TMEM39B: variants seen among roughly 807,000 people sequenced by gnomAD.
TMEM39B encodes transmembrane protein 39B.
TMEM39B carries 23 observed loss-of-function variants against 52.2 expected under a neutral mutation model. That is an observed-to-expected ratio of 0.44 (90% confidence interval 0.32 to 0.62). TMEM39B has a LOEUF of 0.62. Ranked by LOEUF, TMEM39B falls within the 20% of genes least tolerant of loss-of-function variation. TMEM39B has a pLI of 0.06. For missense variants in TMEM39B, 547 were observed against 642.0 expected (o/e 0.85, Z 1.60); for synonymous variants, 285 against 264.0 (o/e 1.08, Z -0.77).
Position 32,091,964 on chromosome 1 carries a change from A to G in TMEM39B, c.880A>G (p.Met294Val). Residue 294 changes from methionine to valine, a missense_variant, in exon 6 of 9, where the codon ATG becomes GTG. Transcript: ENST00000336294. ...CATGAAGGAAGTGCTCGTCAGCTCC[A>G]TGCTGAGCGCCTACTATGTGGCCTT... ...WRMKEVLVSS[M>V]LSAYYVAFVP... The G allele has an allele frequency of 1.2e-6, 2 of 1,614,166 alleles. No homozygotes were observed. The highest frequency in any genetic ancestry group is 1.7e-6 in the Non-Finnish European group (2 of 1,180,032).
rs1189135450 is a variant in TMEM39B at position 32,091,736 on chromosome 1, A to C, written c.652A>C (p.Asn218His). Residue 218 changes from asparagine (N) to histidine (H), a missense_variant, in exon 6 of 9, where the codon AAC (asparagine) becomes CAC (histidine). Asn to His is a moderately conservative substitution (Grantham distance 68, BLOSUM62 1). Coordinates refer to ENST00000336294, the MANE Select transcript of TMEM39B (RefSeq NM_018056.4). ...CGACCTCCGCAAGACAAGCCTCTTC[A>C]ACCACATGGCCTCCATGGGGCCCCG... ...NCDLRKTSLF[N>H]HMASMGPREA... is the part of the protein sequence containing the mutation. 1.2e-6 allele frequency: 2 copies of C among 1,613,996 alleles called. No individual in the cohort carries two copies. The highest frequency in any genetic ancestry group is 2.7e-5 in the African/African-American group (2 of 74,924).
chr1:32,097,954 A>T (rs754856403), intron 7 of TMEM39B, among the ~76,000 whole-genome samples: 12 of 151,756 alleles, frequency 7.9e-5, no homozygotes, highest in Non-Finnish European at 1.6e-4. Flanking sequence ...TATTCAGCAT[A>T]TTGTTTGTGA....
At chr1:32,086,398 A>C (rs1330963539) in intron 5 of TMEM39B, among the ~76,000 whole-genome samples, 2 of 152,084 alleles carry the variant, frequency 1.3e-5, no homozygotes, top group African/African-American at 4.8e-5. Flanking sequence ...TGAGCACATG[A>C]AATAGGGTAG....
At chr1:32,093,898 A>G (rs1255009725) in intron 6 of TMEM39B, among the ~76,000 whole-genome samples, 6 of 151,542 alleles carry the variant, frequency 4.0e-5, no homozygotes. Context: ...GGCTCACTGC[A>G]AGCTCCGCCT....
At chr1:32,083,092 T>C (rs1640182045) in intron 5 of TMEM39B, among the ~76,000 whole-genome samples, 1 of 147,142 alleles carries the variant, frequency 6.8e-6, no homozygotes, top group Non-Finnish European at 1.5e-5. Context: ...TTTTTTTTTT[T>C]TTTTTTTTGA....
intron 5 of TMEM39B, among the ~76,000 whole-genome samples, chr1:32,081,994 A>G (rs916765560): frequency 2.0e-5 from 3 of 152,148 alleles, no homozygotes; most frequent in African/African-American, 7.2e-5. Context: ...ATTCCCTGCA[A>G]TGACAGATGA....
rs80227003 is a variant in TMEM39B at position 32,089,665 on chromosome 1, T to A, written c.591-2010T>A. Among the ~76,000 whole-genome samples, 4 of 150,364 alleles carry A rather than the reference T, an allele frequency of 2.7e-5. No individual in the cohort carries two copies. The South Asian group carries it at 6.4e-4, about 24-fold the overall frequency. ...TAAAAGGAGATTTTTTTTTTTTTTT[T>A]AAATGGAGTCTCACTCTGTTACCCA... On this transcript the variant is annotated intron_variant, in intron 5 of 8. Transcript: ENST00000336294.
At chr1:32,095,508 T>C (rs1278798257) in intron 7 of TMEM39B, among the ~76,000 whole-genome samples, 1 of 152,162 alleles carries the variant, frequency 6.6e-6, no homozygotes, top group Non-Finnish European at 1.5e-5. Flanking sequence ...TGCTGAACCC[T>C]GGCCAGGGAA....
rs188656332 is a variant in TMEM39B at position 32,083,664 on chromosome 1, C to T, written c.590+6346C>T. 2.5e-4 allele frequency among the ~76,000 whole-genome samples: 38 copies of T among 151,912 alleles called. No homozygotes were observed. In the South Asian group the frequency reaches 3.7e-3, roughly 15 times the overall value. Reference sequence around the variant, plus strand: ...GTCTCGATCTCCTGACCTCGTGATCCGTCCATCTCAGCTTCCCAAAGTGCT... The same window carrying T: ...GTCTCGATCTCCTGACCTCGTGATCTGTCCATCTCAGCTTCCCAAAGTGCT... On this transcript the variant is annotated intron_variant, in intron 5 of 8. Coordinates refer to ENST00000336294, the MANE Select transcript of TMEM39B (RefSeq NM_018056.4).
At chr1:32,072,644 C>A (rs182069787), upstream of TMEM39B, among the ~76,000 whole-genome samples, 336 of 152,314 alleles carry the variant, frequency 2.2e-3, 1 homozygote, top group Admixed American at 4.6e-3. Context: ...GCGGACCGGT[C>A]AGGGATATGG....
At chr1:32,090,405 C>T (rs1485403620) in intron 5 of TMEM39B, among the ~76,000 whole-genome samples, 1 of 152,078 alleles carries the variant, frequency 6.6e-6, no homozygotes, top group African/African-American at 2.4e-5. Flanking sequence ...AACTAAAGAG[C>T]TGTTCTCATA....
intron 3 of TMEM39B, chr1:32,076,101 T>C: frequency 4.7e-6 from 1 of 210,584 alleles, no homozygotes. Flanking sequence ...TTTTCTTTTC[T>C]TCTTTTTTTT....
intron 7 of TMEM39B, among the ~76,000 whole-genome samples, chr1:32,099,833 C>T (rs1640951639): frequency 6.6e-6 from 1 of 152,068 alleles, no homozygotes; most frequent in African/African-American, 2.4e-5. Flanking sequence ...GATCACCTGA[C>T]GTCAAGAATT....
rs548435069 is a variant in TMEM39B at position 32,084,716 on chromosome 1, C to T, written c.591-6959C>T. Among the ~76,000 whole-genome samples the T allele has an allele frequency of 3.3e-5, 5 of 151,990 alleles. No individual in the cohort carries two copies. In the East Asian group the frequency reaches 5.9e-4, roughly 18 times the overall value. ...TCCTGAGTAGCTGGGATTACAGGCACGCCACCATGCCCAGCTAATTTTTGT... is the reference window on the plus strand; with the variant it reads ...TCCTGAGTAGCTGGGATTACAGGCATGCCACCATGCCCAGCTAATTTTTGT... On this transcript the variant is annotated intron_variant, in intron 5 of 8. Transcript: ENST00000336294.
At position 32,075,823 on chromosome 1, in the gene TMEM39B, G is replaced by A; in HGVS notation, c.351+1G>A. On this transcript the variant is annotated splice_donor_variant, in intron 3 of 8. Coordinates refer to ENST00000336294, the MANE Select transcript of TMEM39B (RefSeq NM_018056.4). LOFTEE classifies it high-confidence loss of function. ...CCACCCACCCTCCCACACCTCCCTG[G>A]TAGGTACCCAACAAGGGTGTGTGTG... 6.7e-7 allele frequency: 1 copy of A among 1,487,044 alleles called. No individual in the cohort carries two copies. The highest frequency in any genetic ancestry group is 9.1e-7 in the Non-Finnish European group (1 of 1,102,268). The allele number at this position is 1,487,044 out of a possible 1,614,324, so 92.1% of individuals were successfully genotyped here.
At chr1:32,076,667 T>C (rs1639874912) in intron 3 of TMEM39B, 96 bp from the exon 4 acceptor site, 1 of 1,246,880 alleles carries the variant, frequency 8.0e-7, no homozygotes, top group Non-Finnish European at 1.2e-6. Flanking sequence ...GAGGACAGTC[T>C]CTGTGGAAAG....
chr1:32,081,468 C>G (rs569019922), intron 5 of TMEM39B, among the ~76,000 whole-genome samples: 5 of 152,046 alleles, frequency 3.3e-5, no homozygotes, highest in Non-Finnish European at 4.4e-5. Context: ...TATTTATTGG[C>G]CAAGCGTGGT....
In TMEM39B at chr1:32,096,451, CTTTTTTTTTTTT is replaced by C. The variant is rs965499225; in HGVS notation, c.1115+1495_1115+1506del. On this transcript the variant is annotated intron_variant, in intron 7 of 8. Transcript: ENST00000336294. Reference sequence around the variant, plus strand: ...CTAGCACTCAGTTGTCTCCTCTGGCCTTTTTTTTTTTTTTTTTTTTTTTTTTGAGATGGAGTC... The same window carrying C: ...CTAGCACTCAGTTGTCTCCTCTGGCCTTTTTTTTTTTTTTGAGATGGAGTC... Among the ~76,000 whole-genome samples the C allele has an allele frequency of 2.1e-4, 22 of 105,024 alleles. No individual in the cohort carries two copies. The Admixed American group carries it at 2.1e-3, about 10-fold the overall frequency. The allele number at this position is 105,024 out of a possible 152,430, so 68.9% of individuals were successfully genotyped here.
intron 3 of TMEM39B, 120 bp from the exon 4 acceptor site, chr1:32,076,643 G>A: frequency 9.7e-7 from 1 of 1,026,948 alleles, no homozygotes; most frequent in Non-Finnish European, 1.5e-6. Context: ...GGAGGCCGAT[G>A]AAGGTCAGAG....
Sources: gnomAD v4.1 joint callset for allele counts (sites outside exome capture counted in the v4.1 genomes callset) on GRCh38, gnomAD v4.1.1 for gene constraint, MANE v1.5 for transcripts, NCBI Gene and HGNC (gene_info 2026-07-23, HGNC 2026-07-21) for gene names.